Variants in TNFSF4 observed in about 807,000 individuals in gnomAD.
TNFSF4 encodes the protein tumor necrosis factor ligand superfamily member 4.
A neutral mutation model predicts 7.3 loss-of-function variants in TNFSF4; 4 were observed. That is an observed-to-expected ratio of 0.55 (90% CI 0.27 to 1.25). TNFSF4 has a LOEUF of 1.25. Among genes scored for constraint, TNFSF4 ranks in the 50% most tolerant of loss-of-function variants. TNFSF4 has a pLI of 0.12. For synonymous variants in TNFSF4, 76 were observed against 83.7 expected, an observed-to-expected ratio of 0.91 and a Z score of 0.50; for missense variants, 181 against 208.8, an observed-to-expected ratio of 0.87 and a Z score of 0.82.
At chr1:173,243,011 G>A in the TNFSF4 span, among the ~76,000 whole-genome samples, 18 of 112,570 alleles carry the variant, frequency 1.6e-4, 2 homozygotes, top group African/African-American at 6.1e-4. Flanking sequence ...GGGTGGGGGG[G>A]GGGGGGGAGC....
chr1:173,291,309 C>T, the TNFSF4 span, among the ~76,000 whole-genome samples: 2 of 152,258 alleles, frequency 1.3e-5, no homozygotes, highest in South Asian at 4.1e-4. Context: ...CTAAATCAGT[C>T]ATAAGAAGTC....
chr1:173,378,287 G>A, the TNFSF4 span, among the ~76,000 whole-genome samples: 2 of 150,980 alleles, frequency 1.3e-5, no homozygotes, highest in African/African-American at 2.4e-5. Flanking sequence ...CAGGGTCCAG[G>A]GACCATTGCA....
At chr1:173,377,335 G>A in the TNFSF4 span, among the ~76,000 whole-genome samples, 3 of 152,164 alleles carry the variant, frequency 2.0e-5, no homozygotes, top group African/African-American at 4.8e-5. Flanking sequence ...AAACACGAGC[G>A]TCAGGCTTTC....
chr1:173,328,717 G>T, the TNFSF4 span, among the ~76,000 whole-genome samples: 3 of 151,786 alleles, frequency 2.0e-5, no homozygotes, highest in African/African-American at 7.3e-5. Flanking sequence ...ACTGCTAGAC[G>T]AAAACGTAGA....
chr1:173,412,447 T>C, the TNFSF4 span, among the ~76,000 whole-genome samples: 1 of 152,220 alleles, frequency 6.6e-6, no homozygotes, highest in Non-Finnish European at 1.5e-5. Flanking sequence ...ATTAAAAGCA[T>C]TAAAAGATTT....
the TNFSF4 span, among the ~76,000 whole-genome samples, chr1:173,422,061 C>T: frequency 6.6e-6 from 1 of 152,040 alleles, no homozygotes; most frequent in Non-Finnish European, 1.5e-5. Flanking sequence ...CACCTCTCCC[C>T]CACAATGTCA....
the TNFSF4 span, among the ~76,000 whole-genome samples, chr1:173,285,570 ATTG>A: frequency 6.6e-6 from 1 of 152,116 alleles, no homozygotes; most frequent in Non-Finnish European, 1.5e-5. Flanking sequence ...CAGCAACTTT[ATTG>A]TTGTCTTATT....
At chr1:173,274,924 G>C in the TNFSF4 span, among the ~76,000 whole-genome samples, 8 of 151,982 alleles carry the variant, frequency 5.3e-5, no homozygotes, top group Admixed American at 5.3e-4. Flanking sequence ...TATGTTTTTA[G>C]TTAGATTTCC....
the TNFSF4 span, chr1:173,418,698 A>G: frequency 1.3e-5 from 2 of 152,236 alleles, no homozygotes; most frequent in South Asian, 4.2e-4. Context: ...GAAGGTGGAG[A>G]GCCAGGGTAG....
chr1:173,314,099 A>G, the TNFSF4 span, among the ~76,000 whole-genome samples: 1 of 152,148 alleles, frequency 6.6e-6, no homozygotes, highest in Admixed American at 6.6e-5. Context: ...TAAAAATTAT[A>G]ATAAATACAC....
At chr1:173,194,996 G>A (rs537993462) in intron 1 of TNFSF4, among the ~76,000 whole-genome samples, 2 of 151,666 alleles carry the variant, frequency 1.3e-5, no homozygotes, top group Admixed American at 1.3e-4. Flanking sequence ...ACATTGTGAT[G>A]TAGAAAGAAT....
the TNFSF4 span, among the ~76,000 whole-genome samples, chr1:173,222,341 G>A: frequency 6.6e-6 from 1 of 152,140 alleles, no homozygotes; most frequent in Admixed American, 6.5e-5. Flanking sequence ...AAAACGGTCT[G>A]AAATGACAAA....
chr1:173,187,545 C>A (rs1453818994), intron 2 of TNFSF4, among the ~76,000 whole-genome samples: 1 of 152,222 alleles, frequency 6.6e-6, no homozygotes, highest in East Asian at 1.9e-4. Flanking sequence ...GCTGTGCACA[C>A]CGTATCTGTG....
At chr1:173,385,133 A>C in the TNFSF4 span, among the ~76,000 whole-genome samples, 13 of 152,350 alleles carry the variant, frequency 8.5e-5, no homozygotes, top group East Asian at 2.3e-3. Context: ...ATAGGAAGTA[A>C]GACAATGAAT....
chr1:173,442,037 C>G, the TNFSF4 span: 2 of 152,194 alleles, frequency 1.3e-5, no homozygotes, highest in Non-Finnish European at 2.9e-5. Flanking sequence ...TTTTGAGTAA[C>G]AGCCTGGTAA....
the TNFSF4 span, among the ~76,000 whole-genome samples, chr1:173,419,208 G>A: frequency 6.6e-6 from 1 of 152,116 alleles, no homozygotes; most frequent in African/African-American, 2.4e-5. Flanking sequence ...CGGGTGTGGT[G>A]GCGGGCACCT....
chr1:173,247,468 A>G, the TNFSF4 span, among the ~76,000 whole-genome samples: 1 of 152,176 alleles, frequency 6.6e-6, no homozygotes, highest in Admixed American at 6.6e-5. Flanking sequence ...AACTGGGCCT[A>G]CCCAAGATTC....
At chr1:173,270,759 C>G in the TNFSF4 span, among the ~76,000 whole-genome samples, 6 of 151,998 alleles carry the variant, frequency 3.9e-5, no homozygotes, top group African/African-American at 1.4e-4. Context: ...AGAAATACAA[C>G]AGTAGCAGGG....
At chr1:173,363,426 C>T in the TNFSF4 span, 7 of 347,190 alleles carry the variant, frequency 2.0e-5, no homozygotes, top group African/African-American at 1.5e-4. Context: ...TCTCTCCATC[C>T]AGTACCTTCT....
Sources: gnomAD v4.1 joint callset for allele counts (sites outside exome capture counted in the v4.1 genomes callset) on GRCh38, gnomAD v4.1.1 for gene constraint, MANE v1.5 for transcripts, NCBI Gene and HGNC (gene_info 2026-07-23, HGNC 2026-07-21) for gene names.